Variants in NGEF observed in about 807,000 individuals in gnomAD.
The protein encoded by NGEF is ephexin-1.
NGEF carries 31 observed loss-of-function variants against 80.9 expected under a neutral mutation model. The observed-to-expected ratio is 0.38, with a 90% CI of 0.29 to 0.52. The LOEUF (loss-of-function observed/expected upper bound fraction) is 0.52. NGEF is among the 20% of genes least tolerant of loss of function. The pLI is 0.84. For synonymous variants in NGEF, 371 were observed against 370.2 expected, an observed-to-expected ratio of 1.00 and a Z score of -0.03; for missense variants, 709 against 926.2, an observed-to-expected ratio of 0.77 and a Z score of 3.04.
intron 1 of NGEF, chr2:233,012,771 A>T (rs902173731): frequency 3.0e-5 from 14 of 459,812 alleles, no homozygotes; most frequent in African/African-American, 2.4e-4. Flanking sequence ...GCAATTATGC[A>T]GCCATTCCTG....
Position 232,974,767 on chromosome 2 carries a change from A to T in NGEF, c.124T>A (p.Ser42Thr). 1 of 1,614,190 alleles carries T rather than the reference A, an allele frequency of 6.2e-7. No individual in the cohort carries two copies. Among genetic ancestry groups the T allele is most frequent in the Non-Finnish European group, 8.5e-7 (1 of 1,180,040 alleles). The change falls in exon 2 of 15, where the codon TCT becomes ACT. Residue 42 changes from serine to threonine, a missense_variant. Ser to Thr is a moderately conservative substitution (Grantham distance 58, BLOSUM62 1). Around this residue, in one of 2 missense-constraint regions of NGEF, gnomAD observed 283 missense variants for 303.4 expected, o/e 0.93. Transcript: ENST00000264051. ...TCTTGGATATCCTGGTCAGCTTGAGAAGTCTCCTCTTTTTCTGGGAGTAAC... is the reference window on the plus strand; with the variant it reads ...TCTTGGATATCCTGGTCAGCTTGAGTAGTCTCCTCTTTTTCTGGGAGTAAC... Reference protein sequence around the residue: ...PELLPEKEETSQADQDIQDKE... With the variant: ...PELLPEKEETTQADQDIQDKE...
intron 1 of NGEF, 82 bp from the exon 2 acceptor site, chr2:232,975,046 G>A (rs978554435): frequency 2.5e-5 from 17 of 682,960 alleles, no homozygotes; most frequent in Admixed American, 6.5e-5. Flanking sequence ...ACTCCCATTC[G>A]AATTTGATGA....
chr2:232,906,234 C>T (rs1452293913), intron 5 of NGEF, among the ~76,000 whole-genome samples: 2 of 94,772 alleles, frequency 2.1e-5, no homozygotes, highest in East Asian at 3.6e-4. Flanking sequence ...GGTCAGCCCC[C>T]CGCCCGGCCA....
intron 5 of NGEF, among the ~76,000 whole-genome samples, chr2:232,906,080 GCCCC>G (rs1178853712): frequency 3.3e-5 from 4 of 121,278 alleles, no homozygotes; most frequent in African/African-American, 1.2e-4. Flanking sequence ...GAGGGGGTCA[GCCCC>G]CCGCCTGGTC....
In NGEF at chr2:232,882,192, G is replaced by C; in HGVS notation, c.1831C>G (p.Leu611Val). The change falls in exon 13 of 15, where the codon CTG becomes GTG. Residue 611 changes from leucine (L) to valine (V), a missense_variant. By Grantham distance (32) the Leu-to-Val change is conservative (BLOSUM62 1). Coordinates refer to ENST00000264051, the MANE Select transcript of NGEF (RefSeq NM_019850.3). The stretch of plus-strand genomic sequence containing the variant: ...TTACCCACCGGTGACTTACCCAGCA[G>C]CCGGGATGTGAACGAAACAAACTTG... ...RTKFVSFTSR[L>V]LDCPQVQCVH... 1 of 1,613,654 alleles carries C rather than the reference G, an allele frequency of 6.2e-7. No individual in the cohort carries two copies. Among genetic ancestry groups the C allele is most frequent in the South Asian group, 1.1e-5 (1 of 90,966 alleles).
In NGEF at chr2:233,012,891, G is replaced by A. The variant is rs561990545; in HGVS notation, c.-75+177C>T. 1.3e-3 allele frequency: 623 copies of A among 471,186 alleles called. 2 individuals are homozygous for A. Among genetic ancestry groups the A allele is most frequent in the African/African-American group, 0.011 (569 of 50,184 alleles). The allele number at this position is 471,186 out of a possible 1,614,324, so 29.2% of individuals were successfully genotyped here. On this transcript the variant is annotated intron_variant, in intron 1 of 14. Coordinates refer to ENST00000264051, the MANE Select transcript of NGEF (RefSeq NM_019850.3). Reference sequence around the variant, plus strand: ...TGCCAGGAGGGGCAGTGCTGAAGCCGAGACCAGACAGGATCCCTCGGGTGG... The same window carrying A: ...TGCCAGGAGGGGCAGTGCTGAAGCCAAGACCAGACAGGATCCCTCGGGTGG...
chr2:232,898,018 G>A (rs1470685624), intron 5 of NGEF, among the ~76,000 whole-genome samples: 30 of 152,192 alleles, frequency 2.0e-4, no homozygotes, highest in Non-Finnish European at 7.3e-5. Context: ...AGCAGACCCC[G>A]AGTCGGCCAG....
At chr2:232,966,830 C>T (rs1264386218) in intron 3 of NGEF, among the ~76,000 whole-genome samples, 2 of 152,034 alleles carry the variant, frequency 1.3e-5, no homozygotes, top group Non-Finnish European at 2.9e-5. Flanking sequence ...TTTACTCTCA[C>T]TTCTGTTGAT....
intron 3 of NGEF, among the ~76,000 whole-genome samples, chr2:232,962,677 T>G (rs1182820782): frequency 1.3e-5 from 2 of 151,940 alleles, no homozygotes; most frequent in Non-Finnish European, 2.9e-5. Flanking sequence ...GCATTTAAAA[T>G]AGGATAAAAA....
intron 3 of NGEF, among the ~76,000 whole-genome samples, chr2:232,928,722 G>A (rs554166446): frequency 2.0e-5 from 3 of 152,340 alleles, no homozygotes; most frequent in South Asian, 2.1e-4. Context: ...CTGGTCGCAG[G>A]ACGAGCCACG....
chr2:233,001,935 A>G (rs2106343863), intron 1 of NGEF, among the ~76,000 whole-genome samples: 1 of 152,284 alleles, frequency 6.6e-6, no homozygotes, highest in East Asian at 1.9e-4. Context: ...GAATTGCTTG[A>G]ACCCGGGAGA....
chr2:232,895,771 A>T (rs1574996576), intron 5 of NGEF, among the ~76,000 whole-genome samples: 1 of 152,300 alleles, frequency 6.6e-6, no homozygotes, highest in East Asian at 1.9e-4. Flanking sequence ...AACAATGAAC[A>T]TATATCATGG....
intron 1 of NGEF, among the ~76,000 whole-genome samples, chr2:232,991,333 G>A: frequency 7.5e-6 from 1 of 133,986 alleles, no homozygotes. Flanking sequence ...AAATTCTAAG[G>A]AATCCAGTAA....
chr2:232,935,579 C>T (rs1448828239), intron 3 of NGEF, among the ~76,000 whole-genome samples: 4 of 152,072 alleles, frequency 2.6e-5, no homozygotes, highest in Non-Finnish European at 5.9e-5. Context: ...GATCACACCA[C>T]CACACTCCAG....
At chr2:232,894,598 T>C in intron 6 of NGEF, 158 bp downstream of exon 6, 3 of 804,284 alleles carry the variant, frequency 3.7e-6, no homozygotes, top group Non-Finnish European at 5.3e-6. Context: ...TGGTGAGGTT[T>C]GGATTTAGTT....
At chr2:232,960,030 C>T (rs79811810) in intron 3 of NGEF, among the ~76,000 whole-genome samples, 29,849 of 152,088 alleles carry the variant, frequency 0.2, 3,086 homozygotes, top group East Asian at 0.34. Flanking sequence ...GTGACTCCCA[C>T]GTTTAATGCA....
At position 232,879,456 on chromosome 2, in the gene NGEF, A is replaced by C; in HGVS notation, c.*33T>G. ...CCCACCTTCTGTCGGGGTCTCATGCAGGCCCTGCTCCCGCTGGCCCCCTGG... is the reference window on the plus strand; with the variant it reads ...CCCACCTTCTGTCGGGGTCTCATGCCGGCCCTGCTCCCGCTGGCCCCCTGG... On this transcript the variant is annotated 3_prime_UTR_variant, in exon 15 of 15. Coordinates refer to ENST00000264051, the MANE Select transcript of NGEF (RefSeq NM_019850.3). 1.5e-6 allele frequency: 2 copies of C among 1,325,992 alleles called. No individual in the cohort carries two copies. Among genetic ancestry groups the C allele is most frequent in the Non-Finnish European group, 2.1e-6 (2 of 949,416 alleles). 82.1% of individuals were successfully genotyped at this position (1,325,992 alleles called of 1,614,324 possible).
intron 8 of NGEF, among the ~76,000 whole-genome samples, chr2:232,888,525 G>T (rs186634858): frequency 3.0e-5 from 4 of 133,772 alleles, no homozygotes; most frequent in Non-Finnish European, 6.4e-5. Flanking sequence ...GCATGTGTGC[G>T]CACACATACA....
At chr2:233,000,801 G>T (rs1246626181) in intron 1 of NGEF, among the ~76,000 whole-genome samples, 1 of 151,800 alleles carries the variant, frequency 6.6e-6, no homozygotes, top group African/African-American at 2.4e-5. Context: ...CCTCCCAGAG[G>T]TCCCATCTCC....
Sources: allele counts gnomAD v4.1 joint callset (sites outside exome capture counted in the v4.1 genomes callset), GRCh38; gene constraint gnomAD v4.1.1; regional missense constraint gnomAD v4.1.1; transcripts MANE v1.5; gene names NCBI Gene and HGNC (gene_info 2026-07-23, HGNC 2026-07-21).